Variants in UST observed in about 807,000 individuals in gnomAD.
The protein encoded by UST is uronyl 2-sulfotransferase.
Under a neutral mutation model 45.6 loss-of-function variants are expected in UST, and 21 were observed. The ratio of observed to expected loss-of-function variants is 0.46; its 90% CI spans 0.33 to 0.66. The LOEUF (loss-of-function observed/expected upper bound fraction) is 0.66, where lower values mean the gene tolerates loss of function less well. Ranked by LOEUF, UST falls within the 30% of genes least tolerant of loss-of-function variation. UST has a pLI of 0.02. For synonymous variants in UST, 215 were observed against 200.6 expected, an observed-to-expected ratio of 1.07 and a Z score of -0.61; for missense variants, 463 against 512.4, an observed-to-expected ratio of 0.90 and a Z score of 0.93.
At chr6:148,842,553 G>A (rs540168514) in intron 1 of UST, among the ~76,000 whole-genome samples, 1 of 152,342 alleles carries the variant, frequency 6.6e-6, no homozygotes, top group East Asian at 1.9e-4. Flanking sequence ...CCAGCCTGTA[G>A]AAGGGAGCTA....
At chr6:148,983,650 G>T (rs943871874) in intron 5 of UST, among the ~76,000 whole-genome samples, 1 of 152,232 alleles carries the variant, frequency 6.6e-6, no homozygotes, top group South Asian at 2.1e-4. Context: ...AAAAGCGAAT[G>T]TAGGAAATAA....
chr6:148,895,145 A>G (rs528191017), intron 2 of UST, among the ~76,000 whole-genome samples: 2 of 151,574 alleles, frequency 1.3e-5, no homozygotes, highest in South Asian at 4.2e-4. Flanking sequence ...TTTTTTTCCA[A>G]CCTTCCATAC....
intron 1 of UST, among the ~76,000 whole-genome samples, chr6:148,872,050 T>TGCACAC (rs2114817532): frequency 6.6e-6 from 1 of 152,304 alleles, no homozygotes; most frequent in Admixed American, 6.5e-5. Context: ...TGTATGTGGC[T>TGCACAC]GTGTGTGTGC....
chr6:148,765,794 G>A (rs991535458), intron 1 of UST, among the ~76,000 whole-genome samples: 6 of 152,174 alleles, frequency 3.9e-5, no homozygotes, highest in African/African-American at 1.4e-4. Flanking sequence ...CACAATTTAT[G>A]TTCTTCTGCC....
At chr6:149,069,364 G>A (rs746259018) in intron 7 of UST, among the ~76,000 whole-genome samples, 4 of 152,172 alleles carry the variant, frequency 2.6e-5, no homozygotes, top group African/African-American at 7.2e-5. Flanking sequence ...CACCAACAGT[G>A]TATAAGAGTT....
intron 7 of UST, among the ~76,000 whole-genome samples, chr6:149,054,523 G>A (rs1265756261): frequency 1.3e-5 from 2 of 152,090 alleles, no homozygotes; most frequent in Admixed American, 6.5e-5. Flanking sequence ...GGGGGACACC[G>A]ATGCTTAATG....
At chr6:148,877,106 G>A (rs1248310245) in intron 1 of UST, among the ~76,000 whole-genome samples, 1 of 40,884 alleles carries the variant, frequency 2.4e-5, no homozygotes, top group Non-Finnish European at 4.6e-5. Context: ...ATGAGTAGGG[G>A]GGTCATGTTT....
At chr6:149,009,919 A>T (rs1315910958) in intron 5 of UST, among the ~76,000 whole-genome samples, 4 of 152,078 alleles carry the variant, frequency 2.6e-5, no homozygotes, top group African/African-American at 9.6e-5. Flanking sequence ...ACCAAAATAG[A>T]AAAAGGGGAA....
At position 149,071,797 on chromosome 6, in the gene UST, C is replaced by CA. The variant is rs781405394; in HGVS notation, c.938-2027dup. On this transcript the variant is annotated intron_variant, in intron 7 of 7. Coordinates refer to ENST00000367463, the MANE Select transcript of UST (RefSeq NM_005715.3). ...AACAATAAAAACAAACAAAAGCAAA[C>CA]AAAAAAAAACCCCACTTCAAAAATG... Among the ~76,000 whole-genome samples, 17 of 151,434 alleles carry CA rather than the reference C, an allele frequency of 1.1e-4. 1 individual carries two copies. The highest frequency in any genetic ancestry group is 8.4e-4 in the South Asian group (4 of 4,786).
Position 149,074,092 on chromosome 6 carries a change from G to A in UST, c.1197G>A (p.Trp399Ter), listed in dbSNP as rs1292515839. Residue 399 changes from tryptophan to a stop codon, truncating the protein, a stop_gained, in exon 8 of 8, where the codon TGG becomes TGA. Transcript: ENST00000367463. LOFTEE classifies it high-confidence loss of function. Reference sequence around the variant, plus strand: ...ATGAAGAACAGGATGATGAAAAGTGGCTGGAAGATATTTATAAGAGGTGAT... The same window carrying A: ...ATGAAGAACAGGATGATGAAAAGTGACTGGAAGATATTTATAAGAGGTGAT... ...IDDEEQDDEKWLEDIYKR is the reference protein window; with the variant it reads ...IDDEEQDDEK 1.9e-6 allele frequency: 3 copies of A among 1,614,164 alleles called. No individual in the cohort carries two copies. The highest frequency in any genetic ancestry group is 2.5e-6 in the Non-Finnish European group (3 of 1,179,996).
intron 5 of UST, among the ~76,000 whole-genome samples, chr6:148,982,104 G>T (rs9377184): frequency 2.2e-4 from 32 of 145,312 alleles, no homozygotes; most frequent in Non-Finnish European, 3.0e-4. Context: ...AGCCTTTTTT[G>T]TTTTTTTTTT....
At chr6:148,779,360 G>A (rs1051367294) in intron 1 of UST, among the ~76,000 whole-genome samples, 1 of 152,170 alleles carries the variant, frequency 6.6e-6, no homozygotes, top group Non-Finnish European at 1.5e-5. Flanking sequence ...TGTTTTCAAG[G>A]GAATCTCTTT....
At chr6:149,064,702 A>G (rs902682733) in intron 7 of UST, among the ~76,000 whole-genome samples, 1 of 152,206 alleles carries the variant, frequency 6.6e-6, no homozygotes, top group Non-Finnish European at 1.5e-5. Flanking sequence ...TCGACTTTCT[A>G]TAACAGCCAG....
intron 2 of UST, among the ~76,000 whole-genome samples, chr6:148,894,343 T>C (rs1030533640): frequency 1.1e-4 from 17 of 152,170 alleles, no homozygotes; most frequent in African/African-American, 4.1e-4. Flanking sequence ...GAGGTCATAC[T>C]GGAGAAGGGT....
intron 5 of UST, chr6:149,005,566 A>G: frequency 1.0e-6 from 1 of 985,412 alleles, no homozygotes; most frequent in South Asian, 4.7e-5. Context: ...CTTTTACCGA[A>G]TAAAATGATT....
chr6:148,947,684 T>A (rs1277752198), intron 3 of UST, among the ~76,000 whole-genome samples: 1 of 152,210 alleles, frequency 6.6e-6, no homozygotes, highest in East Asian at 1.9e-4. Context: ...GGAACCTTTC[T>A]CTGGCTTGAC....
intron 2 of UST, among the ~76,000 whole-genome samples, chr6:148,892,833 GC>G (rs1444123309): frequency 3.0e-4 from 45 of 152,090 alleles, no homozygotes; most frequent in African/African-American, 1.1e-3. Flanking sequence ...TGATAAAATA[GC>G]AAACTGTTTC....
chr6:149,063,098 T>A (rs1228259907), intron 7 of UST, among the ~76,000 whole-genome samples: 1 of 152,188 alleles, frequency 6.6e-6, no homozygotes. Flanking sequence ...CTCAGGACCG[T>A]AACTACTCTG....
At chr6:149,015,046 G>A (rs1169481835) in intron 5 of UST, among the ~76,000 whole-genome samples, 1 of 152,066 alleles carries the variant, frequency 6.6e-6, no homozygotes, top group Admixed American at 6.5e-5. Context: ...TGGGAGTAAG[G>A]GTGAGAGAGG....
Sources: gnomAD v4.1 joint callset for allele counts (sites outside exome capture counted in the v4.1 genomes callset) on GRCh38, gnomAD v4.1.1 for gene constraint, MANE v1.5 for transcripts, NCBI Gene and HGNC (gene_info 2026-07-23, HGNC 2026-07-21) for gene names.